TLCD3A: variants seen among roughly 807,000 people sequenced by gnomAD.
The protein encoded by TLCD3A is TLC domain containing 3A.
Under a neutral mutation model 29.9 loss-of-function variants are expected in TLCD3A, and 17 were observed. That is an observed-to-expected ratio of 0.57 (90% CI 0.39 to 0.85). TLCD3A has a LOEUF of 0.85. Ranked by LOEUF, TLCD3A falls within the 40% of genes least tolerant of loss-of-function variation. The pLI, the probability that TLCD3A is intolerant of heterozygous loss-of-function variation, is 0.00. For missense variants in TLCD3A, 332 were observed against 350.8 expected (o/e 0.95, Z 0.43); for synonymous variants, 143 against 147.7 (o/e 0.97, Z 0.23).
intron 2 of TLCD3A, among the ~76,000 whole-genome samples, chr17:734,328 CT>C (rs140173564): frequency 2.4e-4 from 35 of 146,332 alleles, no homozygotes; most frequent in African/African-American, 2.5e-4. Context: ...AAATTTTTTA[CT>C]TTTTTTTTTT....
intron 3 of TLCD3A, among the ~76,000 whole-genome samples, chr17:739,617 C>T (rs760303497): frequency 3.3e-5 from 5 of 152,218 alleles, no homozygotes; most frequent in South Asian, 2.1e-4. Context: ...GGATTATAGG[C>T]GTGAGCCACC....
chr17:741,217 T>C (rs1974247626), intron 4 of TLCD3A, 84 bp from the exon 5 acceptor site: 9 of 1,424,336 alleles, frequency 6.3e-6, no homozygotes, highest in Non-Finnish European at 4.9e-6. Flanking sequence ...TGTGTGGCAT[T>C]TACTGTGGTG....
intron 2 of TLCD3A, among the ~76,000 whole-genome samples, chr17:737,480 G>C (rs531403538): frequency 1.3e-5 from 2 of 151,822 alleles, no homozygotes; most frequent in Admixed American, 1.3e-4. Context: ...TTGTGATTTG[G>C]GACACTTTCC....
chr17:741,347 C>A lies in TLCD3A; in HGVS notation c.551C>A (p.Thr184Lys). Residue 184 changes from threonine (T) to lysine (K), a missense_variant, in exon 5 of 5, where the codon ACG becomes AAG. Transcript: ENST00000308278. ...TLLYKVNGIL[T>K]LATFLSCRIL... ...CTGTACAAGGTGAATGGAATCCTCA[C>A]GCTGGCCACCTTCCTTTCCTGCCGG... 6.2e-7 allele frequency: 1 copy of A among 1,614,222 alleles called. No individual in the cohort carries two copies. Among genetic ancestry groups the A allele is most frequent in the Non-Finnish European group, 8.5e-7 (1 of 1,180,026 alleles).
intron 2 of TLCD3A, among the ~76,000 whole-genome samples, chr17:735,513 A>T (rs1197480025): frequency 6.6e-6 from 1 of 152,218 alleles, no homozygotes; most frequent in Non-Finnish European, 1.5e-5. Flanking sequence ...AATTGGTGAA[A>T]ACATGAAAAC....
intron 2 of TLCD3A, among the ~76,000 whole-genome samples, chr17:734,942 A>G (rs1169602946): frequency 2.0e-5 from 3 of 152,150 alleles, no homozygotes; most frequent in Non-Finnish European, 4.4e-5. Flanking sequence ...CAGGCCTCCC[A>G]AAGTGCAGGG....
At position 732,711 on chromosome 17, in the gene TLCD3A, G is replaced by C. The variant is rs773825578; in HGVS notation, c.64G>C (p.Ala22Pro). 71 of 1,440,904 alleles carry C rather than the reference G, an allele frequency of 4.9e-5. 1 individual carries two copies. In the East Asian group the frequency reaches 2.0e-3, roughly 40 times the overall value. The allele number at this position is 1,440,904 out of a possible 1,614,324, so 89.3% of individuals were successfully genotyped here. ...GGGGCTCTTCGCGCTCTGCACCTGG[G>C]CGCTGCGCCGCTCCCAGCCCGGATG... Reference protein sequence around the residue: ...FPGLFALCTWALRRSQPGWSR... With the variant: ...FPGLFALCTWPLRRSQPGWSR... The change falls in exon 1 of 5, where the codon GCG (alanine) becomes CCG (proline). Residue 22 changes from alanine (A) to proline (P), a missense_variant. Transcript: ENST00000308278.
At chr17:739,242 C>T (rs1350720060) in intron 3 of TLCD3A, among the ~76,000 whole-genome samples, 2 of 151,994 alleles carry the variant, frequency 1.3e-5, no homozygotes, top group Non-Finnish European at 2.9e-5. Context: ...TCTTGTTGCC[C>T]AGGCTGGAGT....
rs1974261113 is a variant in TLCD3A, at chr17:741,881, G to A, written c.*311G>A. ...GAGGTGGAAGCATGGGGTGGGATCG[G>A]TGGACCAGGGTGGTAAGTGTCTGCA... is the stretch of plus-strand genomic sequence containing the variant. On this transcript the variant is annotated 3_prime_UTR_variant, in exon 5 of 5. Transcript: ENST00000308278. 9.8e-6 allele frequency: 4 copies of A among 406,512 alleles called. No individual in the cohort carries two copies. In the Admixed American group the frequency reaches 1.2e-4, roughly 12 times the overall value. 25.2% of individuals were successfully genotyped at this position (406,512 alleles called of 1,614,324 possible).
At chr17:740,377 G>C in intron 3 of TLCD3A, 128 bp from the exon 4 acceptor site, 1 of 735,980 alleles carries the variant, frequency 1.4e-6, no homozygotes, top group East Asian at 2.6e-5. Context: ...CGGTACAGTA[G>C]TCTGCGCTTG....
rs1974258018 is a variant in TLCD3A at position 741,705 on chromosome 17, A to G, written c.*135A>G. 3 of 1,056,514 alleles carry G rather than the reference A, an allele frequency of 2.8e-6. No individual in the cohort carries two copies. The highest frequency in any genetic ancestry group is 5.5e-5 in the Admixed American group (2 of 36,272). 65.4% of individuals were successfully genotyped at this position (1,056,514 alleles called of 1,614,324 possible). A position where few individuals can be genotyped will look rare whatever the true frequency, so the allele number is the denominator to read the frequency against. On this transcript the variant is annotated 3_prime_UTR_variant, in exon 5 of 5. Transcript: ENST00000308278. ...ATGGATTTGAGTTTTTCTAAAGAATATTCATATTACCTCCTTCTTCTAACT... is the reference window on the plus strand; with the variant it reads ...ATGGATTTGAGTTTTTCTAAAGAATGTTCATATTACCTCCTTCTTCTAACT...
At chr17:740,434 C>G in intron 3 of TLCD3A, 71 bp from the exon 4 acceptor site, 3 of 1,156,464 alleles carry the variant, frequency 2.6e-6, no homozygotes, top group Non-Finnish European at 3.9e-6. Flanking sequence ...TTCAGTAGCC[C>G]TCGTTGGAAT....
chr17:733,737 T>A lies in TLCD3A; in HGVS notation c.206+556T>A, dbSNP rs116303956. Among the ~76,000 whole-genome samples, 1,408 of 152,304 alleles carry A rather than the reference T, an allele frequency of 9.2e-3. 26 individuals are homozygous for A. Among genetic ancestry groups the A allele is most frequent in the African/African-American group, 0.033 (1,364 of 41,568 alleles). On this transcript the variant is annotated intron_variant, in intron 2 of 4. Coordinates refer to ENST00000308278, the MANE Select transcript of TLCD3A (RefSeq NM_024792.3). The stretch of plus-strand genomic sequence containing the variant: ...CTATCTGCAGTTCCAGTGAAACAAA[T>A]CATAAATTAAGACCAGAATAGTCGA...
intron 1 of TLCD3A, 162 bp downstream of exon 1, chr17:732,931 C>A: frequency 2.2e-6 from 3 of 1,384,264 alleles, no homozygotes; most frequent in Non-Finnish European, 2.8e-6. Flanking sequence ...CGCGTCCTCC[C>A]CTGGCGGGAG....
intron 2 of TLCD3A, among the ~76,000 whole-genome samples, chr17:736,724 C>T (rs1169926710): frequency 3.3e-5 from 5 of 152,094 alleles, no homozygotes; most frequent in Admixed American, 6.6e-5. Flanking sequence ...GGCGCGATCT[C>T]GGCTCACTGC....
At position 741,671 on chromosome 17, in the gene TLCD3A, G is replaced by A; in HGVS notation, c.*101G>A. The A allele has an allele frequency of 2.2e-6, 3 of 1,364,738 alleles. No homozygotes were observed. Among genetic ancestry groups the A allele is most frequent in the Admixed American group, 2.2e-5 (1 of 44,976 alleles). 84.5% of individuals were successfully genotyped at this position (1,364,738 alleles called of 1,614,324 possible). A position where few individuals can be genotyped will look rare whatever the true frequency, so the allele number is the denominator to read the frequency against. ...TGGGTAGCCTCAGACTTTGGGTATT[G>A]ATAAGCCGATGGATTTGAGTTTTTC... On this transcript the variant is annotated 3_prime_UTR_variant, in exon 5 of 5. Coordinates refer to ENST00000308278, the MANE Select transcript of TLCD3A (RefSeq NM_024792.3).
At position 741,684 on chromosome 17, in the gene TLCD3A, A is replaced by AT; in HGVS notation, c.*117dup. The AT allele has an allele frequency of 7.7e-7, 1 of 1,292,144 alleles. No homozygotes were observed. The highest frequency in any genetic ancestry group is 1.5e-5 in the South Asian group (1 of 68,660). The allele number at this position is 1,292,144 out of a possible 1,614,324, so 80.0% of individuals were successfully genotyped here. A position where few individuals can be genotyped will look rare whatever the true frequency, so the allele number is the denominator to read the frequency against. On this transcript the variant is annotated 3_prime_UTR_variant, in exon 5 of 5. Transcript: ENST00000308278. Reference sequence around the variant, plus strand: ...ACTTTGGGTATTGATAAGCCGATGGATTTGAGTTTTTCTAAAGAATATTCA... The same window carrying AT: ...ACTTTGGGTATTGATAAGCCGATGGATTTTGAGTTTTTCTAAAGAATATTCA...
chr17:737,696 A>T (rs561978242), intron 2 of TLCD3A, 150 bp from the exon 3 acceptor site: 1 of 761,230 alleles, frequency 1.3e-6, no homozygotes, highest in African/African-American at 1.7e-5. Flanking sequence ...ACTGAGAGCA[A>T]GTGGTCTACT....
Position 738,113 on chromosome 17 carries a change from T to TTTTTC in TLCD3A, c.408+66_408+67insTTTTC. Reference sequence around the variant, plus strand: ...CTGGGTGTCTTTTTTTTTTTTTTTTTCTGAGACAGTCTCACTCTGCCGCCC... The same window carrying TTTTTC: ...CTGGGTGTCTTTTTTTTTTTTTTTTTTTTTCCTGAGACAGTCTCACTCTGCCGCCC... On this transcript the variant is annotated intron_variant, in intron 3 of 4. Coordinates refer to ENST00000308278, the MANE Select transcript of TLCD3A (RefSeq NM_024792.3). 6 of 1,257,188 alleles carry TTTTTC rather than the reference T, an allele frequency of 4.8e-6. No homozygotes were observed. The African/African-American group carries it at 7.8e-5, about 16-fold the overall frequency. 77.9% of individuals were successfully genotyped at this position (1,257,188 alleles called of 1,614,324 possible).
Sources: gnomAD v4.1 joint callset for allele counts (sites outside exome capture counted in the v4.1 genomes callset) on GRCh38, gnomAD v4.1.1 for gene constraint, MANE v1.5 for transcripts, NCBI Gene and HGNC (gene_info 2026-07-23, HGNC 2026-07-21) for gene names.